The following KIT variants were observed in gnomAD, a reference collection of about 807,000 sequenced individuals.
The protein encoded by KIT is mast/stem cell growth factor receptor Kit.
In KIT, 16 loss-of-function variants were observed where a neutral mutation model predicts 105.7. The ratio of observed to expected loss-of-function variants is 0.15; its 90% CI spans 0.10 to 0.23. The LOEUF is 0.23. Ranked by LOEUF, KIT falls within the 10% of genes least tolerant of loss-of-function variation. KIT has a pLI of 1.00. For missense variants in KIT, 858 were observed against 1,213.8 expected (o/e 0.71, Z 4.36); for synonymous variants, 438 against 441.1 (o/e 0.99, Z 0.09).
chr4:54,686,744 C>T (rs1305715881), intron 1 of KIT, among the ~76,000 whole-genome samples: 1 of 152,126 alleles, frequency 6.6e-6, no homozygotes, highest in African/African-American at 2.4e-5. Flanking sequence ...GTGGTCTCAC[C>T]ATACTGCCTA....
chr4:54,701,110 T>C (rs1261395340), intron 4 of KIT, among the ~76,000 whole-genome samples: 1 of 152,202 alleles, frequency 6.6e-6, no homozygotes, highest in Non-Finnish European at 1.5e-5. Flanking sequence ...CCCCAGGCAG[T>C]TTTGTTCTGA....
In KIT at chr4:54,699,165, T is replaced by C. The variant is rs1720286619; in HGVS notation, c.620-465T>C. Among the ~76,000 whole-genome samples the C allele has an allele frequency of 3.9e-5, 6 of 152,344 alleles. 1 individual carries two copies. The South Asian group carries it at 1.2e-3, about 32-fold the overall frequency. On this transcript the variant is annotated intron_variant, in intron 3 of 20. Transcript: ENST00000288135. The stretch of plus-strand genomic sequence containing the variant: ...TGAGTACAGTTTTTATTAAGGCTTT[T>C]GAAAAAGTATACTTATTGAAATTAG...
At chr4:54,731,050 A>G (rs1035114330) in intron 14 of KIT, among the ~76,000 whole-genome samples, 1 of 152,114 alleles carries the variant, frequency 6.6e-6, no homozygotes, top group Non-Finnish European at 1.5e-5. Flanking sequence ...CATTAAATTC[A>G]TTGTGTCAAG....
chr4:54,658,025 C>G lies in KIT; in HGVS notation c.11C>G (p.Ala4Gly). 6.2e-7 allele frequency: 1 copy of G among 1,613,924 alleles called. No homozygotes were observed. Among genetic ancestry groups the G allele is most frequent in the Non-Finnish European group, 8.5e-7 (1 of 1,179,888 alleles). ...ATCGCAGCTACCGCGATGAGAGGCG[C>G]TCGCGGCGCCTGGGATTTTCTCTGC... MRG[A>G]RGAWDFLCVL... Residue 4 changes from alanine to glycine, a missense_variant, in exon 1 of 21, where the codon GCT becomes GGT. Around this residue, in one of 7 missense-constraint regions of KIT, gnomAD observed 46 missense variants for 38.8 expected, o/e 1.19. Coordinates refer to ENST00000288135, the MANE Select transcript of KIT (RefSeq NM_000222.3).
chr4:54,690,061 G>T (rs375640034), intron 1 of KIT, among the ~76,000 whole-genome samples: 6 of 137,508 alleles, frequency 4.4e-5, no homozygotes, highest in African/African-American at 1.3e-4. Flanking sequence ...TTTTTTGTGG[G>T]GGGGGGGGGC....
intron 7 of KIT, 164 bp downstream of exon 7, chr4:54,709,703 A>G: frequency 1.5e-6 from 1 of 685,814 alleles, no homozygotes; most frequent in Non-Finnish European, 2.7e-6. Flanking sequence ...GTGTGTCAAA[A>G]AACCAGTTCC....
At chr4:54,663,168 T>G (rs551047861) in intron 1 of KIT, among the ~76,000 whole-genome samples, 1 of 152,288 alleles carries the variant, frequency 6.6e-6, no homozygotes, top group Non-Finnish European at 1.5e-5. Flanking sequence ...TTTGCAAAAT[T>G]TAAGGTTTAA....
chr4:54,662,346 A>G (rs1252360743), intron 1 of KIT, among the ~76,000 whole-genome samples: 1 of 152,116 alleles, frequency 6.6e-6, no homozygotes, highest in Non-Finnish European at 1.5e-5. Context: ...TTCATTGTCC[A>G]TCCTAGTTTT....
At chr4:54,732,045 A>ATTTTT (rs71662297) in intron 16 of KIT, 47 bp downstream of exon 16, 100 of 888,628 alleles carry the variant, frequency 1.1e-4, no homozygotes, top group Admixed American at 3.1e-4. Context: ...TGTTTTTTTG[A>ATTTTT]TTTTTTTTTT....
intron 4 of KIT, 145 bp from the exon 5 acceptor site, chr4:54,703,579 C>G (rs1356465888): frequency 1.5e-6 from 1 of 678,026 alleles, no homozygotes; most frequent in Admixed American, 2.4e-5. Flanking sequence ...TGTCATGATG[C>G]TTTATTATTC....
chr4:54,664,450 C>G (rs780418360), intron 1 of KIT, among the ~76,000 whole-genome samples: 1 of 152,070 alleles, frequency 6.6e-6, no homozygotes, highest in Non-Finnish European at 1.5e-5. Context: ...CTGCCTGTTC[C>G]ACCATTCTGT....
intron 1 of KIT, among the ~76,000 whole-genome samples, chr4:54,669,563 G>A (rs1390724320): frequency 6.6e-6 from 1 of 152,124 alleles, no homozygotes; most frequent in Non-Finnish European, 1.5e-5. Flanking sequence ...GAAATCCATA[G>A]ATTTATTCAC....
chr4:54,710,831 G>A (rs1288116844), intron 7 of KIT, among the ~76,000 whole-genome samples: 1 of 152,110 alleles, frequency 6.6e-6, no homozygotes, highest in East Asian at 1.9e-4. Context: ...ATGAGCCACC[G>A]CGCCCAGCTA....
chr4:54,737,118 A>G (rs1388778719), intron 19 of KIT, 57 bp from the exon 20 acceptor site: 3 of 1,161,706 alleles, frequency 2.6e-6, no homozygotes, highest in Middle Eastern at 1.9e-4. Context: ...ATGCCCATAC[A>G]TTTGAAAACA....
intron 1 of KIT, among the ~76,000 whole-genome samples, chr4:54,660,122 G>C (rs1717143058): frequency 6.6e-6 from 1 of 152,060 alleles, no homozygotes; most frequent in African/African-American, 2.4e-5. Context: ...TATTCCCCTG[G>C]CCCCTGTCTG....
chr4:54,704,612 G>A (rs1226031784), intron 5 of KIT, among the ~76,000 whole-genome samples: 1 of 152,114 alleles, frequency 6.6e-6, no homozygotes, highest in African/African-American at 2.4e-5. Context: ...AGAGAGCAGA[G>A]CATAGTGAGT....
At position 54,723,800 on chromosome 4, in the gene KIT, TTTTGA is replaced by T. The variant is rs1422912697; in HGVS notation, c.1346+105_1346+109del. Reference sequence around the variant, plus strand: ...TCTGATTTTTTTTAAAAAAGCTTTGTTTTGATTATTGTTTTTTTTCTAGCCATGTG... The same window carrying T: ...TCTGATTTTTTTTAAAAAAGCTTTGTTTATTGTTTTTTTTCTAGCCATGTG... On this transcript the variant is annotated intron_variant, in intron 8 of 20. Transcript: ENST00000288135. The T allele has an allele frequency of 1.6e-5, 13 of 814,588 alleles. No homozygotes were observed. In the Admixed American group the frequency reaches 2.6e-4, roughly 16 times the overall value. The allele number at this position is 814,588 out of a possible 1,614,324, so 50.5% of individuals were successfully genotyped here. A position where few individuals can be genotyped will look rare whatever the true frequency, so the allele number is the denominator to read the frequency against.
At chr4:54,732,517 G>C (rs1201212330) in intron 16 of KIT, among the ~76,000 whole-genome samples, 2 of 152,124 alleles carry the variant, frequency 1.3e-5, no homozygotes, top group African/African-American at 2.4e-5. Flanking sequence ...AAAACAAGGA[G>C]CATGGTCTGT....
At chr4:54,709,813 A>C (rs963501204) in intron 7 of KIT, among the ~76,000 whole-genome samples, 3 of 152,168 alleles carry the variant, frequency 2.0e-5, no homozygotes, top group African/African-American at 4.8e-5. Flanking sequence ...TTGAACATAC[A>C]GTTGTTTGAG....
Sources: gnomAD v4.1 joint callset for allele counts (sites outside exome capture counted in the v4.1 genomes callset) on GRCh38, gnomAD v4.1.1 for gene constraint, gnomAD v4.1.1 regional missense constraint, MANE v1.5 for transcripts, NCBI Gene and HGNC (gene_info 2026-07-23, HGNC 2026-07-21) for gene names.